Variants in ASIC2 observed in about 807,000 individuals in gnomAD.
ASIC2 encodes the protein acid-sensing ion channel 2.
A neutral mutation model predicts 57.3 loss-of-function variants in ASIC2; 25 were observed. That is an observed-to-expected ratio of 0.44 (90% CI 0.32 to 0.61). The LOEUF (loss-of-function observed/expected upper bound fraction) is 0.61. ASIC2 is among the 20% of genes least tolerant of loss of function. The pLI, the probability that ASIC2 is intolerant of heterozygous loss-of-function variation, is 0.06. For synonymous variants in ASIC2, 319 were observed against 307.5 expected, an observed-to-expected ratio of 1.04 and a Z score of -0.39; for missense variants, 641 against 738.1, an observed-to-expected ratio of 0.87 and a Z score of 1.52.
chr17:33,084,564 C>T (rs376050377), intron 3 of ASIC2, among the ~76,000 whole-genome samples: 2 of 152,250 alleles, frequency 1.3e-5, no homozygotes, highest in East Asian at 1.9e-4. Flanking sequence ...TATTCAACCA[C>T]GCAGTTTTGT....
intron 1 of ASIC2, among the ~76,000 whole-genome samples, chr17:33,954,152 C>A (rs1194169092): frequency 1.3e-5 from 2 of 152,126 alleles, no homozygotes; most frequent in African/African-American, 4.8e-5. Context: ...GTTGGAACCC[C>A]AGGCTATCTG....
intron 1 of ASIC2, among the ~76,000 whole-genome samples, chr17:33,961,574 G>C (rs1904922112): frequency 6.6e-6 from 1 of 152,080 alleles, no homozygotes; most frequent in African/African-American, 2.4e-5. Flanking sequence ...CAGCCAAAGA[G>C]GTGTTTACTG....
chr17:33,589,287 C>A (rs1327619590), intron 1 of ASIC2, among the ~76,000 whole-genome samples: 1 of 152,000 alleles, frequency 6.6e-6, no homozygotes, highest in Non-Finnish European at 1.5e-5. Flanking sequence ...CAGGCTGGGG[C>A]CAGGAAAGCT....
At chr17:34,037,094 T>C (rs1907917184) in intron 1 of ASIC2, 1 of 152,936 alleles carries the variant, frequency 6.5e-6, no homozygotes. Flanking sequence ...ACACTAACTC[T>C]AGTGCCTTTA....
intron 1 of ASIC2, among the ~76,000 whole-genome samples, chr17:34,076,510 G>A (rs1179740152): frequency 1.3e-5 from 2 of 152,094 alleles, no homozygotes; most frequent in East Asian, 3.9e-4. Context: ...GCCTCTCTCT[G>A]CTGGTAGGCA....
intron 1 of ASIC2, among the ~76,000 whole-genome samples, chr17:33,982,480 C>G (rs1905661925): frequency 6.6e-6 from 1 of 152,176 alleles, no homozygotes; most frequent in Non-Finnish European, 1.5e-5. Flanking sequence ...AGATTAACAT[C>G]TGAGTCAGAT....
At chr17:33,465,046 A>G (rs1030970995) in intron 1 of ASIC2, among the ~76,000 whole-genome samples, 1 of 152,220 alleles carries the variant, frequency 6.6e-6, no homozygotes, top group African/African-American at 2.4e-5. Context: ...GATAAAAGGC[A>G]GGAAATTGCT....
chr17:33,517,159 AGGCTGGAGTGCAGT>A (rs1225702080), intron 1 of ASIC2, among the ~76,000 whole-genome samples: 1 of 152,200 alleles, frequency 6.6e-6, no homozygotes, highest in African/African-American at 2.4e-5. Flanking sequence ...TCTGTTGCCC[AGGCTGGAGTGCAGT>A]GGCGCGATCT....
intron 1 of ASIC2, among the ~76,000 whole-genome samples, chr17:33,548,095 A>T (rs1229322538): frequency 6.6e-6 from 1 of 152,218 alleles, no homozygotes; most frequent in Non-Finnish European, 1.5e-5. Context: ...AAGTTTAGCA[A>T]GTATTAAGAG....
intron 1 of ASIC2, among the ~76,000 whole-genome samples, chr17:33,776,188 A>G (rs1463329703): frequency 6.6e-6 from 1 of 151,488 alleles, no homozygotes; most frequent in Non-Finnish European, 1.5e-5. Context: ...CTAAATTCAT[A>G]TGTTGAAATC....
intron 1 of ASIC2, among the ~76,000 whole-genome samples, chr17:33,789,232 A>G (rs1597876768): frequency 6.6e-6 from 1 of 152,090 alleles, no homozygotes; most frequent in Non-Finnish European, 1.5e-5. Flanking sequence ...AAATTACCCA[A>G]TCTCAGGTAT....
intron 1 of ASIC2, among the ~76,000 whole-genome samples, chr17:33,712,010 A>G (rs1909051646): frequency 6.6e-6 from 1 of 152,160 alleles, no homozygotes; most frequent in Admixed American, 6.5e-5. Flanking sequence ...ACTCAATCCA[A>G]TCATCATCCC....
In ASIC2 at chr17:33,292,794, C is replaced by T; in HGVS notation, c.-679G>A. 3.0e-6 allele frequency: 3 copies of T among 985,980 alleles called. No homozygotes were observed. Among genetic ancestry groups the T allele is most frequent in the Non-Finnish European group, 3.6e-6 (3 of 830,386 alleles). 61.1% of individuals were successfully genotyped at this position (985,980 alleles called of 1,614,324 possible). ...TCCCCTCCAGGACCCTTCCTTGTTA[C>T]TGCTCCCTGGGCTGCGCTCGGCAGA... On this transcript the variant is annotated 5_prime_UTR_variant, in exon 1 of 10. Coordinates refer to ENST00000225823, the MANE Select transcript of ASIC2 (RefSeq NM_183377.2).
intron 1 of ASIC2, among the ~76,000 whole-genome samples, chr17:33,316,555 T>C (rs1023219331): frequency 1.3e-5 from 2 of 152,246 alleles, no homozygotes; most frequent in Admixed American, 6.5e-5. Flanking sequence ...CCCAAAGTGC[T>C]GGGATTACAG....
intron 1 of ASIC2, among the ~76,000 whole-genome samples, chr17:33,645,950 T>C (rs1906726217): frequency 6.6e-6 from 1 of 152,132 alleles, no homozygotes; most frequent in African/African-American, 2.4e-5. Flanking sequence ...TTCCACTTTA[T>C]AGACAGGAAG....
chr17:33,330,088 T>C (rs1203049271), intron 1 of ASIC2, among the ~76,000 whole-genome samples: 2 of 152,202 alleles, frequency 1.3e-5, no homozygotes, highest in Non-Finnish European at 2.9e-5. Flanking sequence ...TTTGTATGCA[T>C]TTATTTTTAA....
At chr17:34,146,944 A>G (rs1912437261) in intron 1 of ASIC2, 2 of 152,208 alleles carry the variant, frequency 1.3e-5, no homozygotes, top group Non-Finnish European at 2.9e-5. Flanking sequence ...TTTGAGAGCA[A>G]GATTCTGTGC....
chr17:34,156,339 G>A lies in ASIC2; in HGVS notation c.194C>T (p.Ser65Phe). 6.2e-7 allele frequency: 1 copy of A among 1,614,204 alleles called. No individual in the cohort carries two copies. The highest frequency in any genetic ancestry group is 8.5e-7 in the Non-Finnish European group (1 of 1,180,042). Residue 65 changes from serine to phenylalanine, a missense_variant, in exon 1 of 10, where the codon TCC becomes TTC. By Grantham distance (155) the Ser-to-Phe change is radical. Coordinates refer to the ASIC2 transcript ENST00000359872. This position sits in a 1 kb window ranked among gnomAD's most constrained non-coding sequence, Gnocchi z 4.4. Reference sequence around the variant, plus strand: ...GACATGCTGGTAGGAGAAGTAGTAGGACACCCTCTCAGAGCTCTCCACCAG... The same window carrying A: ...GACATGCTGGTAGGAGAAGTAGTAGAACACCCTCTCAGAGCTCTCCACCAG...
chr17:34,088,705 C>A (rs919695547), intron 1 of ASIC2, among the ~76,000 whole-genome samples: 1 of 152,234 alleles, frequency 6.6e-6, no homozygotes, highest in East Asian at 1.9e-4. Context: ...TCAAGCTTCC[C>A]GGCTGCTTTG....
Sources: gnomAD v4.1 joint callset for allele counts (sites outside exome capture counted in the v4.1 genomes callset) on GRCh38, gnomAD v4.1.1 for gene constraint, Gnocchi (gnomAD v3.1) non-coding constraint, MANE v1.5 for transcripts, NCBI Gene and HGNC (gene_info 2026-07-23, HGNC 2026-07-21) for gene names.